ZFHX3: variants seen among roughly 807,000 people sequenced by gnomAD.
ZFHX3 encodes the protein zinc finger homeobox protein 3.
ZFHX3 carries 42 observed loss-of-function variants against 279.1 expected under a neutral mutation model. The ratio of observed to expected loss-of-function variants is 0.15; its 90% CI spans 0.12 to 0.19. ZFHX3 has a LOEUF of 0.19. Ranked by LOEUF, ZFHX3 falls within the 10% of genes least tolerant of loss-of-function variation. The pLI, the probability that ZFHX3 is intolerant of heterozygous loss-of-function variation, is 1.00. For missense variants in ZFHX3, 4,981 were observed against 4,754.0 expected (o/e 1.05, Z -1.40); for synonymous variants, 2,293 against 1,957.8 (o/e 1.17, Z -4.52).
At chr16:73,561,270 G>T (rs1181711452) in intron 2 of ZFHX3, among the ~76,000 whole-genome samples, 2 of 152,162 alleles carry the variant, frequency 1.3e-5, no homozygotes, top group African/African-American at 2.4e-5. Flanking sequence ...TTCCATCCGT[G>T]TGCAGATGGG....
Position 72,798,275 on chromosome 16 carries a change from G to A in ZFHX3, c.4407C>T (p.Ala1469=). ...CTCCCATTGCCAGGAGGTCCCCATT[G>A]GCCAGCAGGCCACCATAAAGCTGTT... ...DIQQLYGGLL[A]NGDLLAMGDP... is the part of the protein sequence containing the mutation. Residue 1469 remains alanine, a synonymous_variant, in exon 9 of 10, where the codon GCC becomes GCT. Coordinates refer to ENST00000268489, the MANE Select transcript of ZFHX3 (RefSeq NM_006885.4). 1 of 1,614,160 alleles carries A rather than the reference G, an allele frequency of 6.2e-7. No homozygotes were observed. Among genetic ancestry groups the A allele is most frequent in the Non-Finnish European group, 8.5e-7 (1 of 1,180,038 alleles).
intron 1 of ZFHX3, among the ~76,000 whole-genome samples, chr16:73,725,500 T>A (rs1241469157): frequency 6.6e-6 from 1 of 150,978 alleles, no homozygotes; most frequent in Non-Finnish European, 1.5e-5. Flanking sequence ...GAGACAGGGG[T>A]CTTATTGTCA....
intron 2 of ZFHX3, among the ~76,000 whole-genome samples, chr16:73,485,491 T>C (rs1047164252): frequency 6.6e-6 from 1 of 152,132 alleles, no homozygotes; most frequent in African/African-American, 2.4e-5. Context: ...AAAAATATTC[T>C]TTGATGAAAA....
intron 3 of ZFHX3, chr16:73,401,184 G>C (rs1265899681): frequency 1.3e-5 from 2 of 152,054 alleles, no homozygotes; most frequent in Non-Finnish European, 2.9e-5. Context: ...CTGTACGCAG[G>C]CAGGGCTTGT....
chr16:73,384,419 G>A (rs1184410733), intron 3 of ZFHX3, among the ~76,000 whole-genome samples: 1 of 152,230 alleles, frequency 6.6e-6, no homozygotes, highest in Non-Finnish European at 1.5e-5. Context: ...AGGATTTCAT[G>A]TTTCTGAGCA....
intron 3 of ZFHX3, among the ~76,000 whole-genome samples, chr16:73,369,579 G>A (rs559281414): frequency 6.6e-6 from 1 of 152,250 alleles, no homozygotes; most frequent in African/African-American, 2.4e-5. Flanking sequence ...AACCAAACAA[G>A]CTGTTGGATG....
intron 3 of ZFHX3, among the ~76,000 whole-genome samples, chr16:73,341,524 G>A (rs945326425): frequency 3.9e-5 from 6 of 152,148 alleles, no homozygotes; most frequent in African/African-American, 1.2e-4. Flanking sequence ...TTCCTCAAAC[G>A]ATTACTCACA....
intron 2 of ZFHX3, among the ~76,000 whole-genome samples, chr16:73,562,575 G>A (rs947115724): frequency 2.0e-4 from 27 of 132,792 alleles, no homozygotes; most frequent in Admixed American, 6.2e-4. Context: ...CAGCCTGGGC[G>A]ACAGAGCCAG....
chr16:72,795,496 G>A lies in ZFHX3; in HGVS notation c.7186C>T (p.Pro2396Ser). ...MPSQAYSAPAPSANNTASSAF... is the reference protein window; with the variant it reads ...MPSQAYSAPASSANNTASSAF... The stretch of plus-strand genomic sequence containing the variant: ...GAGGAAGCTGTATTATTGGCTGATG[G>A]TGCTGGGGCGCTGTAAGCCTGTGAG... Residue 2396 changes from proline (P) to serine (S), a missense_variant, in exon 9 of 10, where the codon CCA becomes TCA. Physicochemically the swap from Pro to Ser is moderately conservative, Grantham distance 74. Around this residue, in one of 7 missense-constraint regions of ZFHX3, gnomAD observed 744 missense variants for 701.3 expected, o/e 1.06. Coordinates refer to ENST00000268489, the MANE Select transcript of ZFHX3 (RefSeq NM_006885.4). 6.2e-7 allele frequency: 1 copy of A among 1,614,118 alleles called. No homozygotes were observed. The highest frequency in any genetic ancestry group is 1.7e-5 in the Admixed American group (1 of 60,016).
intron 3 of ZFHX3, among the ~76,000 whole-genome samples, chr16:73,404,603 A>G (rs1205448950): frequency 6.6e-6 from 1 of 152,218 alleles, no homozygotes; most frequent in Non-Finnish European, 1.5e-5. Flanking sequence ...TTGTTAATAG[A>G]TGCCATCTGT....
rs1443924448 is a variant in ZFHX3, at chr16:73,234,882, C to T, written c.-1104+22165G>A. Among the ~76,000 whole-genome samples, 4 of 152,086 alleles carry T rather than the reference C, an allele frequency of 2.6e-5. No individual in the cohort carries two copies. The South Asian group carries it at 6.2e-4, about 24-fold the overall frequency. ...TTTTCTTTTGGGCTGTGCATTAGGC[C>T]TTCCCCAAAGATAGTACTTGCTTTT... On this transcript the variant is annotated intron_variant, in intron 5 of 17. Coordinates refer to the ZFHX3 transcript ENST00000641206.
chr16:73,091,275 AGCAGT>A (rs1966077895), intron 8 of ZFHX3, among the ~76,000 whole-genome samples: 1 of 151,712 alleles, frequency 6.6e-6, no homozygotes, highest in African/African-American at 2.4e-5. Flanking sequence ...TCAGGCAGCC[AGCAGT>A]GTCACGCTTT....
upstream of ZFHX3, among the ~76,000 whole-genome samples, chr16:73,064,200 C>T (rs2144747389): frequency 6.6e-6 from 1 of 151,848 alleles, no homozygotes; most frequent in East Asian, 1.9e-4. Context: ...GTGGGGGGTG[C>T]GGTGAGAAGA....
At chr16:73,218,584 C>A (rs1245995458) in intron 5 of ZFHX3, among the ~76,000 whole-genome samples, 2 of 152,284 alleles carry the variant, frequency 1.3e-5, no homozygotes, top group Admixed American at 1.3e-4. Context: ...GCCTGGCCAA[C>A]ATGGCAAAAC....
At chr16:73,146,328 T>C (rs922908490) in intron 5 of ZFHX3, among the ~76,000 whole-genome samples, 12 of 151,674 alleles carry the variant, frequency 7.9e-5, no homozygotes, top group African/African-American at 2.7e-4. Context: ...CTTGGGAGGC[T>C]GAGGCAGGAA....
At chr16:73,370,852 A>T (rs1274335500) in intron 3 of ZFHX3, among the ~76,000 whole-genome samples, 1 of 152,160 alleles carries the variant, frequency 6.6e-6, no homozygotes, top group East Asian at 1.9e-4. Context: ...CTCTTTTTCC[A>T]GTCATCTCAG....
At chr16:73,042,443 G>A (rs778313198) in intron 1 of ZFHX3, among the ~76,000 whole-genome samples, 24 of 152,162 alleles carry the variant, frequency 1.6e-4, no homozygotes, top group Non-Finnish European at 3.2e-4. Flanking sequence ...CCTGGATGGA[G>A]TCAGGAACAA....
chr16:73,022,869 C>T (rs147283203), intron 1 of ZFHX3, among the ~76,000 whole-genome samples: 1 of 152,214 alleles, frequency 6.6e-6, no homozygotes, highest in African/African-American at 2.4e-5. Flanking sequence ...GGCCAAATCC[C>T]CCGATTTTTT....
intron 2 of ZFHX3, among the ~76,000 whole-genome samples, chr16:73,667,971 A>G (rs1267915641): frequency 1.3e-5 from 2 of 152,216 alleles, no homozygotes; most frequent in Non-Finnish European, 2.9e-5. Context: ...TACAGCACTT[A>G]CAATTCCTCA....
Sources: allele counts gnomAD v4.1 joint callset (sites outside exome capture counted in the v4.1 genomes callset), GRCh38; gene constraint gnomAD v4.1.1; regional missense constraint gnomAD v4.1.1; transcripts MANE v1.5; gene names NCBI Gene and HGNC (gene_info 2026-07-23, HGNC 2026-07-21).